The following GRIK4 variants were observed in gnomAD, a reference collection of about 807,000 sequenced individuals.
GRIK4 encodes glutamate ionotropic receptor kainate type subunit 4.
Under a neutral mutation model 104.9 loss-of-function variants are expected in GRIK4, and 40 were observed. The ratio of observed to expected loss-of-function variants is 0.38; its 90% CI spans 0.30 to 0.50. The LOEUF (loss-of-function observed/expected upper bound fraction) is 0.50, where lower values mean the gene tolerates loss of function less well. GRIK4 is among the 20% of genes least tolerant of loss of function. GRIK4 has a pLI of 0.93. For missense variants in GRIK4, 1,047 were observed against 1,308.1 expected (o/e 0.80, Z 3.08); for synonymous variants, 485 against 524.9 (o/e 0.92, Z 1.04).
intron 3 of GRIK4, among the ~76,000 whole-genome samples, chr11:120,722,752 G>A (rs184492483): frequency 1.2e-4 from 19 of 152,308 alleles, no homozygotes; most frequent in African/African-American, 4.1e-4. Flanking sequence ...CTGGCTACAC[G>A]TTGCTCTTCC....
intron 3 of GRIK4, among the ~76,000 whole-genome samples, chr11:120,684,508 CAT>C: frequency 6.6e-6 from 1 of 152,264 alleles, no homozygotes; most frequent in Non-Finnish European, 1.5e-5. Flanking sequence ...TACGAACACA[CAT>C]GAAAAGTGAA....
At chr11:120,527,936 G>A (rs1011160711) in intron 1 of GRIK4, among the ~76,000 whole-genome samples, 4 of 152,142 alleles carry the variant, frequency 2.6e-5, no homozygotes, top group Non-Finnish European at 4.4e-5. Context: ...GGACACATGC[G>A]TTGTGAATAG....
chr11:120,602,263 T>A (rs1948898226), intron 1 of GRIK4, among the ~76,000 whole-genome samples: 2 of 152,148 alleles, frequency 1.3e-5, no homozygotes, highest in African/African-American at 4.8e-5. Context: ...TGAAAACATC[T>A]TTTTGCTATT....
intron 5 of GRIK4, among the ~76,000 whole-genome samples, chr11:120,818,604 C>G (rs1953022926): frequency 6.6e-6 from 1 of 152,222 alleles, no homozygotes; most frequent in Non-Finnish European, 1.5e-5. Context: ...CTTCCCACCT[C>G]AGTCTCAGAG....
chr11:120,537,180 A>T (rs540422943), intron 1 of GRIK4, among the ~76,000 whole-genome samples: 2 of 152,154 alleles, frequency 1.3e-5, no homozygotes, highest in Non-Finnish European at 2.9e-5. Flanking sequence ...AGCCTAGCTT[A>T]TTTATGTTGC....
intron 3 of GRIK4, among the ~76,000 whole-genome samples, chr11:120,701,656 T>C (rs1950553118): frequency 6.6e-6 from 1 of 152,222 alleles, no homozygotes; most frequent in Non-Finnish European, 1.5e-5. Context: ...TGCTGCGTCA[T>C]ATGGTAGTTC....
chr11:120,714,929 A>T (rs1950800802), intron 3 of GRIK4, among the ~76,000 whole-genome samples: 1 of 152,214 alleles, frequency 6.6e-6, no homozygotes, highest in African/African-American at 2.4e-5. Context: ...AAGGAGGGAC[A>T]TGATCAGATT....
rs10607182 is a variant in GRIK4 at position 120,678,620 on chromosome 11, GT to G, written c.82+18233del. Among the ~76,000 whole-genome samples, 239 of 146,124 alleles carry G rather than the reference GT, an allele frequency of 1.6e-3. 2 individuals carry two copies. Among genetic ancestry groups the G allele is most frequent in the South Asian group, 0.014 (64 of 4,598 alleles). On this transcript the variant is annotated intron_variant, in intron 3 of 20. Coordinates refer to ENST00000527524, the MANE Select transcript of GRIK4 (RefSeq NM_014619.5). The stretch of plus-strand genomic sequence containing the variant: ...CCAGGCGAGGGGCTCCACTAGAAGG[GT>G]TTTTTTTTTTTTGTTTTAGTTTTTG...
chr11:120,678,631 T>G (rs1207325746), intron 3 of GRIK4, among the ~76,000 whole-genome samples: 3 of 151,658 alleles, frequency 2.0e-5, no homozygotes, highest in African/African-American at 4.8e-5. Flanking sequence ...TTTTTTTTTT[T>G]TTGTTTTAGT....
intron 3 of GRIK4, among the ~76,000 whole-genome samples, chr11:120,686,592 A>C (rs1435085100): frequency 6.6e-6 from 1 of 152,246 alleles, no homozygotes. Flanking sequence ...TCTATATGTG[A>C]AGGCTTGCAT....
rs369679690 is a variant in GRIK4, at chr11:120,952,089, G to A, written c.1591-766G>A. 4.9e-4 allele frequency among the ~76,000 whole-genome samples: 74 copies of A among 152,236 alleles called. 1 individual carries two copies. The highest frequency in any genetic ancestry group is 3.4e-3 in the Middle Eastern group (1 of 294). On this transcript the variant is annotated intron_variant, in intron 14 of 20. Coordinates refer to ENST00000527524, the MANE Select transcript of GRIK4 (RefSeq NM_014619.5). The surrounding 1 kb of genome is among the most constrained non-coding windows in gnomAD (Gnocchi z 5.2). ...ATTTTGTTTTCCCGTGAAGAATGGC[G>A]GGGAGCTTGGTGCCCAGGATTCCAT...
intron 1 of GRIK4, among the ~76,000 whole-genome samples, chr11:120,521,629 G>A (rs778124115): frequency 7.2e-5 from 11 of 152,176 alleles, no homozygotes; most frequent in Non-Finnish European, 1.5e-4. Flanking sequence ...CTTCCAGTTT[G>A]TGCGGTGGTA....
Position 120,940,229 on chromosome 11 carries a change from C to G in GRIK4, c.1477-118C>G. 1 of 643,208 alleles carries G rather than the reference C, an allele frequency of 1.6e-6. No homozygotes were observed. The highest frequency in any genetic ancestry group is 2.8e-6 in the Non-Finnish European group (1 of 357,668). 39.8% of individuals were successfully genotyped at this position (643,208 alleles called of 1,614,324 possible). On this transcript the variant is annotated intron_variant, in intron 13 of 20. Transcript: ENST00000527524. The surrounding 1 kb of genome is among the most constrained non-coding windows in gnomAD (Gnocchi z 4.3). Reference sequence around the variant, plus strand: ...GCAGTGTTGACTTAGAGCCACTCCTCAAGCAAGAAGCCAGACCAGCATCAC... The same window carrying G: ...GCAGTGTTGACTTAGAGCCACTCCTGAAGCAAGAAGCCAGACCAGCATCAC...
At chr11:120,830,338 G>T (rs951602325) in intron 6 of GRIK4, among the ~76,000 whole-genome samples, 1 of 152,208 alleles carries the variant, frequency 6.6e-6, no homozygotes, top group Non-Finnish European at 1.5e-5. Flanking sequence ...TGGTAAGAGG[G>T]TTGGATAGAA....
chr11:120,550,214 G>C (rs759077008), intron 1 of GRIK4, among the ~76,000 whole-genome samples: 9 of 151,962 alleles, frequency 5.9e-5, no homozygotes, highest in African/African-American at 2.2e-4. Context: ...AATGGTGCTG[G>C]TGCCTTTGGA....
intron 1 of GRIK4, among the ~76,000 whole-genome samples, chr11:120,607,781 C>T (rs1948980568): frequency 6.6e-6 from 1 of 152,014 alleles, no homozygotes; most frequent in African/African-American, 2.4e-5. Flanking sequence ...TTAAGAAGAG[C>T]AGAGAGCAGA....
intron 13 of GRIK4, among the ~76,000 whole-genome samples, chr11:120,906,005 G>C (rs897501264): frequency 2.2e-4 from 33 of 152,188 alleles, no homozygotes; most frequent in African/African-American, 7.7e-4. Flanking sequence ...TCTTTGGTTA[G>C]CGTTAATGTC....
chr11:120,929,024 T>A (rs1294742719), intron 13 of GRIK4, among the ~76,000 whole-genome samples: 6 of 47,068 alleles, frequency 1.3e-4, no homozygotes, highest in African/African-American at 3.1e-4. Context: ...TGTGCGCACA[T>A]GTGTGTGTGT....
intron 9 of GRIK4, chr11:120,868,595 T>A (rs1357103253): frequency 2.6e-5 from 4 of 151,806 alleles, no homozygotes; most frequent in Non-Finnish European, 5.9e-5. Flanking sequence ...TGGAGGGCTT[T>A]TTTTTTTTGA....
Sources: gnomAD v4.1 joint callset for allele counts (sites outside exome capture counted in the v4.1 genomes callset) on GRCh38, gnomAD v4.1.1 for gene constraint, Gnocchi (gnomAD v3.1) non-coding constraint, MANE v1.5 for transcripts, NCBI Gene and HGNC (gene_info 2026-07-23, HGNC 2026-07-21) for gene names.